Variants in FKTN observed in about 807,000 individuals in gnomAD.
FKTN encodes the protein fukutin, also known as ribitol-5-phosphate transferase FKTN.
In FKTN, 47 loss-of-function variants were observed where a neutral mutation model predicts 58.6. The observed-to-expected ratio is 0.80, with a 90% CI of 0.63 to 1.02. The LOEUF is 1.02. FKTN is among the 50% of genes least tolerant of loss of function. The pLI is 0.00. For synonymous variants in FKTN, 178 were observed against 191.9 expected, an observed-to-expected ratio of 0.93 and a Z score of 0.60; for missense variants, 516 against 537.3, an observed-to-expected ratio of 0.96 and a Z score of 0.39.
At chr9:105,583,794 G>T (rs1203298450) in intron 3 of FKTN, among the ~76,000 whole-genome samples, 1 of 151,962 alleles carries the variant, frequency 6.6e-6, no homozygotes, top group African/African-American at 2.4e-5. Context: ...ATATTTAACT[G>T]TATTTTTGTC....
At chr9:105,632,428 A>AGTGGGCAATGTGGTGTGCACCTGT (rs1833591174) in intron 10 of FKTN, among the ~76,000 whole-genome samples, 1 of 116,970 alleles carries the variant, frequency 8.5e-6, no homozygotes. Flanking sequence ...ATAAAAAAAA[A>AGTGGGCAATGTGGTGTGCACCTGT]TATATATATA....
chr9:105,564,412 C>T (rs1481539382), intron 1 of FKTN, among the ~76,000 whole-genome samples: 1 of 152,084 alleles, frequency 6.6e-6, no homozygotes, highest in Non-Finnish European at 1.5e-5. Context: ...AAAGATTAGA[C>T]GAATGGCTAA....
At chr9:105,589,495 C>T (rs1392949582) in intron 3 of FKTN, among the ~76,000 whole-genome samples, 1 of 150,916 alleles carries the variant, frequency 6.6e-6, no homozygotes, top group Non-Finnish European at 1.5e-5. Context: ...GAATGAGACT[C>T]CATCTCAAAA....
rs114082377 is a variant in FKTN, at chr9:105,572,342, A to G, written c.-180-1313A>G. 6.6e-3 allele frequency among the ~76,000 whole-genome samples: 1,005 copies of G among 152,234 alleles called. 16 individuals are homozygous for G. The highest frequency in any genetic ancestry group is 0.023 in the African/African-American group (953 of 41,538). On this transcript the variant is annotated intron_variant, in intron 1 of 10. Coordinates refer to ENST00000357998, the MANE Select transcript of FKTN (RefSeq NM_001079802.2). The stretch of plus-strand genomic sequence containing the variant: ...CCAAGACTTGATTTTAAGATGGTAA[A>G]GACATTTGTGCCCTATTCTATCTGA...
chr9:105,620,498 C>T (rs1247893960), intron 10 of FKTN, among the ~76,000 whole-genome samples: 3 of 152,058 alleles, frequency 2.0e-5, no homozygotes, highest in African/African-American at 7.2e-5. Context: ...ATATATTAAC[C>T]CATCTAGTCC....
At position 105,637,694 on chromosome 9, in the gene FKTN, G is replaced by A; in HGVS notation, c.*2430G>A. 1 of 985,358 alleles carries A rather than the reference G, an allele frequency of 1.0e-6. No individual in the cohort carries two copies. Among genetic ancestry groups the A allele is most frequent in the Non-Finnish European group, 1.2e-6 (1 of 829,918 alleles). The allele number at this position is 985,358 out of a possible 1,614,324, so 61.0% of individuals were successfully genotyped here. A position where few individuals can be genotyped will look rare whatever the true frequency, so the allele number is the denominator to read the frequency against. On this transcript the variant is annotated 3_prime_UTR_variant, in exon 11 of 11. Coordinates refer to ENST00000357998, the MANE Select transcript of FKTN (RefSeq NM_001079802.2). ...GTTTAGTTTACCTGGCTTACCTGGGGAAGTTGACAACTTGTTGGTAGTTAG... is the reference window on the plus strand; with the variant it reads ...GTTTAGTTTACCTGGCTTACCTGGGAAAGTTGACAACTTGTTGGTAGTTAG...
Position 105,639,460 on chromosome 9 carries a change from TTTTTAGGGGGATTAAATGAA to T in FKTN, c.*4197_*4216del. ...GGGAAATGATACATACTTCTAAGGG[TTTTTAGGGGGATTAAATGAA>T]GTATACAGTTCTTAGCCTCAGGCCT... On this transcript the variant is annotated 3_prime_UTR_variant, in exon 11 of 11. Transcript: ENST00000357998. 3.1e-6 allele frequency: 2 copies of T among 641,864 alleles called. No individual in the cohort carries two copies. 39.8% of individuals were successfully genotyped at this position (641,864 alleles called of 1,614,324 possible).
intron 5 of FKTN, among the ~76,000 whole-genome samples, chr9:105,603,485 G>T (rs1308652542): frequency 6.6e-6 from 1 of 152,144 alleles, no homozygotes; most frequent in African/African-American, 2.4e-5. Context: ...TGTAAACTAT[G>T]AGATGAAAGA....
At chr9:105,619,875 G>A (rs1831538930) in intron 9 of FKTN, 59 bp from the exon 10 acceptor site, 2 of 1,445,466 alleles carry the variant, frequency 1.4e-6, no homozygotes, top group African/African-American at 1.4e-5. Context: ...TTTAAAAAAA[G>A]GTTTTTAAAA....
chr9:105,620,011 T>C lies in FKTN; in HGVS notation c.1122T>C (p.Thr374=). 1 of 1,611,996 alleles carries C rather than the reference T, an allele frequency of 6.2e-7. No individual in the cohort carries two copies. ...ATGTTTTTTTCTTCTATGAAGAAAC[T>C]GATCACATGTGGAATGGAGGCACTC... The part of the protein sequence containing the change: ...KLDVFFFYEE[T]DHMWNGGTQA... Residue 374 remains threonine, a synonymous_variant, in exon 10 of 11, where the codon ACT becomes ACC. Coordinates refer to ENST00000357998, the MANE Select transcript of FKTN (RefSeq NM_001079802.2).
intron 3 of FKTN, among the ~76,000 whole-genome samples, chr9:105,592,412 G>C (rs1845058629): frequency 6.6e-6 from 1 of 152,116 alleles, no homozygotes; most frequent in Non-Finnish European, 1.5e-5. Context: ...GCCGAGTTGG[G>C]TGGATCACAA....
intron 1 of FKTN, among the ~76,000 whole-genome samples, chr9:105,564,354 T>C (rs887413437): frequency 1.3e-5 from 2 of 152,142 alleles, no homozygotes; most frequent in Admixed American, 1.3e-4. Flanking sequence ...TTCTCCGAGC[T>C]AAAGGAGGAA....
intron 3 of FKTN, 114 bp from the exon 4 acceptor site, chr9:105,596,484 A>G: frequency 1.4e-6 from 1 of 719,058 alleles, no homozygotes; most frequent in Non-Finnish European, 2.5e-6. Context: ...GATATTTGAT[A>G]ATGCTTTTTA....
chr9:105,565,912 C>G (rs561318378), intron 1 of FKTN, among the ~76,000 whole-genome samples: 61 of 152,304 alleles, frequency 4.0e-4, no homozygotes, highest in African/African-American at 1.1e-3. Context: ...AAGCACTCCT[C>G]AGCAAATGCA....
rs1475492936 is a variant in FKTN at position 105,618,107 on chromosome 9, T to A, written c.1044+15T>A. 3.1e-6 allele frequency: 5 copies of A among 1,608,366 alleles called. No individual in the cohort carries two copies. The Admixed American group carries it at 5.0e-5, about 16-fold the overall frequency. ...AATTTGGGAAGGTCAGTAACAAAAG[T>A]CGGCTTCATTTCATAAGTAACATAT... On this transcript the variant is annotated intron_variant, in intron 9 of 10. Coordinates refer to ENST00000357998, the MANE Select transcript of FKTN (RefSeq NM_001079802.2).
At chr9:105,562,999 ATCATTCAT>A (rs942949004) in intron 1 of FKTN, among the ~76,000 whole-genome samples, 1 of 152,138 alleles carries the variant, frequency 6.6e-6, no homozygotes, top group Non-Finnish European at 1.5e-5. Flanking sequence ...CTCTTGATAT[ATCATTCAT>A]TCATTCATTC....
At chr9:105,560,565 A>G (rs755738796) in intron 1 of FKTN, among the ~76,000 whole-genome samples, 17 of 152,218 alleles carry the variant, frequency 1.1e-4, no homozygotes, top group Non-Finnish European at 2.5e-4. Flanking sequence ...ACCATGTAAA[A>G]ATCACTCCTA....
chr9:105,584,835 A>T (rs1004057851), intron 3 of FKTN, among the ~76,000 whole-genome samples: 2 of 151,600 alleles, frequency 1.3e-5, no homozygotes, highest in South Asian at 4.2e-4. Flanking sequence ...TTTTTTTTTT[A>T]ACATATGGAA....
In FKTN at chr9:105,618,000, G is replaced by A. The variant is rs141120187; in HGVS notation, c.952G>A (p.Val318Ile). 7 of 1,590,512 alleles carry A rather than the reference G, an allele frequency of 4.4e-6. No homozygotes were observed. The South Asian group carries it at 5.5e-5, about 13-fold the overall frequency. The change falls in exon 9 of 11, where the codon GTT (valine) becomes ATT (isoleucine). Residue 318 changes from valine to isoleucine, a missense_variant. Transcript: ENST00000357998. ...CAACATTATTCCTTATAGCAAAGAT[G>A]TTGACCTAGGAATTTTTATACAAGA... ...QCNIIPYSKDVDLGIFIQDYK... is the reference protein window; with the variant it reads ...QCNIIPYSKDIDLGIFIQDYK...
Sources: allele counts gnomAD v4.1 joint callset (sites outside exome capture counted in the v4.1 genomes callset), GRCh38; gene constraint gnomAD v4.1.1; transcripts MANE v1.5; gene names NCBI Gene and HGNC (gene_info 2026-07-23, HGNC 2026-07-21).